HMGA2: variants seen among roughly 807,000 people sequenced by gnomAD.
HMGA2 encodes the protein high mobility group AT-hook 2, also known as high mobility group protein HMGI-C.
Under a neutral mutation model 19.1 loss-of-function variants are expected in HMGA2, and 8 were observed. The observed-to-expected ratio is 0.42, with a 90% CI of 0.25 to 0.76. The LOEUF is 0.76. HMGA2 is among the 30% of genes least tolerant of loss of function. HMGA2 has a pLI of 0.28. For missense variants in HMGA2, 109 were observed against 136.3 expected (o/e 0.80, Z 1.00); for synonymous variants, 60 against 48.8 (o/e 1.23, Z -0.96).
At chr12:65,923,729 G>A (rs1012331417) in intron 3 of HMGA2, among the ~76,000 whole-genome samples, 2 of 152,138 alleles carry the variant, frequency 1.3e-5, no homozygotes, top group Non-Finnish European at 2.9e-5. Context: ...AGTCATTCTC[G>A]CCGGGTGCGG....
intron 3 of HMGA2, among the ~76,000 whole-genome samples, chr12:65,847,415 T>G (rs1187619828): frequency 6.6e-6 from 1 of 152,226 alleles, no homozygotes; most frequent in Non-Finnish European, 1.5e-5. Flanking sequence ...TCAAATAATT[T>G]TTAAATCACC....
At chr12:65,908,830 A>T (rs1358428722) in intron 3 of HMGA2, among the ~76,000 whole-genome samples, 1 of 152,234 alleles carries the variant, frequency 6.6e-6, no homozygotes, top group Non-Finnish European at 1.5e-5. Flanking sequence ...AATGTGGTCA[A>T]CTACAGCAAA....
In HMGA2 at chr12:65,921,396, C is replaced by T. The variant is rs137897452; in HGVS notation, c.250-29987C>T. Among the ~76,000 whole-genome samples, 1,019 of 152,158 alleles carry T rather than the reference C, an allele frequency of 6.7e-3. 3 individuals carry two copies. Among genetic ancestry groups the T allele is most frequent in the Middle Eastern group, 0.014 (4 of 294 alleles). Reference sequence around the variant, plus strand: ...TGCCTCAGCCTGGGACTACAGGTGCCCGTCACCATGCCTGGCTAATTTTTT... The same window carrying T: ...TGCCTCAGCCTGGGACTACAGGTGCTCGTCACCATGCCTGGCTAATTTTTT... On this transcript the variant is annotated intron_variant, in intron 3 of 4. Transcript: ENST00000403681.
intron 3 of HMGA2, chr12:65,859,548 C>A (rs1871936448): frequency 6.6e-6 from 1 of 152,238 alleles, no homozygotes; most frequent in African/African-American, 2.4e-5. Flanking sequence ...ACAGGACGAA[C>A]ACTTTCTCAC....
At chr12:65,889,250 C>T (rs1001656880) in intron 3 of HMGA2, among the ~76,000 whole-genome samples, 2 of 152,052 alleles carry the variant, frequency 1.3e-5, no homozygotes, top group Admixed American at 6.5e-5. Flanking sequence ...GTTTGTTCTC[C>T]TCAAGTCCCA....
chr12:65,853,108 G>T (rs74980477), intron 3 of HMGA2, among the ~76,000 whole-genome samples: 35 of 152,274 alleles, frequency 2.3e-4, no homozygotes, highest in African/African-American at 7.9e-4. Context: ...GCCGACTGAC[G>T]TGTGGGGAAC....
At chr12:65,924,855 C>G (rs992933812) in intron 3 of HMGA2, among the ~76,000 whole-genome samples, 5 of 152,184 alleles carry the variant, frequency 3.3e-5, no homozygotes, top group African/African-American at 1.2e-4. Context: ...CCTTCCAACT[C>G]TCTCCCAGCC....
intron 3 of HMGA2, among the ~76,000 whole-genome samples, chr12:65,865,878 G>A (rs1043294929): frequency 9.3e-5 from 14 of 151,128 alleles, no homozygotes; most frequent in Admixed American, 8.6e-4. Context: ...TCCTGACCTC[G>A]TGATCTGCCC....
At chr12:65,857,612 T>TA (rs1015214638) in intron 3 of HMGA2, 2 of 152,216 alleles carry the variant, frequency 1.3e-5, no homozygotes, top group African/African-American at 4.8e-5. Context: ...TTTGTGTGTA[T>TA]AAACAGTCTT....
At chr12:65,875,725 A>T (rs1390595452) in intron 3 of HMGA2, among the ~76,000 whole-genome samples, 1 of 147,638 alleles carries the variant, frequency 6.8e-6, no homozygotes, top group Non-Finnish European at 1.5e-5. Context: ...GGCTGGGATT[A>T]TAGGCGTAAG....
At chr12:65,947,306 A>G (rs1010805065) in intron 3 of HMGA2, among the ~76,000 whole-genome samples, 2 of 152,082 alleles carry the variant, frequency 1.3e-5, no homozygotes, top group African/African-American at 4.8e-5. Flanking sequence ...ATAGAGATGA[A>G]GTCTTGCTAG....
intron 2 of HMGA2, among the ~76,000 whole-genome samples, chr12:65,838,294 G>A (rs532674453): frequency 2.0e-5 from 3 of 151,724 alleles, no homozygotes; most frequent in Admixed American, 1.3e-4. Context: ...AGGGCGAGGG[G>A]TTGCATAGAT....
At chr12:65,915,177 T>C in intron 3 of HMGA2, 1 of 1,611,080 alleles carries the variant, frequency 6.2e-7, no homozygotes, top group Non-Finnish European at 8.5e-7. Flanking sequence ...TATTTTCACC[T>C]TGAGGAATTG....
intron 3 of HMGA2, among the ~76,000 whole-genome samples, chr12:65,904,988 G>A (rs768832904): frequency 1.6e-4 from 25 of 151,920 alleles, no homozygotes; most frequent in Non-Finnish European, 3.1e-4. Context: ...GTTGCAGTGA[G>A]TCAAGATCGC....
intron 3 of HMGA2, among the ~76,000 whole-genome samples, chr12:65,946,655 A>G (rs1876276255): frequency 6.6e-6 from 1 of 152,330 alleles, no homozygotes; most frequent in Admixed American, 6.5e-5. Context: ...TCTGAGTATC[A>G]GCTTTAAAAT....
chr12:65,830,120 C>A (rs1222238370), intron 2 of HMGA2, among the ~76,000 whole-genome samples: 3 of 151,850 alleles, frequency 2.0e-5, no homozygotes, highest in African/African-American at 7.2e-5. Context: ...AATACATTTG[C>A]CCATAACATG....
At chr12:65,842,299 G>T in intron 3 of HMGA2, 1 of 596,470 alleles carries the variant, frequency 1.7e-6, no homozygotes, top group Non-Finnish European at 3.1e-6. Context: ...GATAATGCAT[G>T]CAAAGGGCTT....
chr12:65,896,248 C>A (rs1273255437), intron 3 of HMGA2, among the ~76,000 whole-genome samples: 1 of 152,194 alleles, frequency 6.6e-6, no homozygotes, highest in African/African-American at 2.4e-5. Context: ...AGAATACCGC[C>A]CAACTGCCAA....
chr12:65,936,284 AGC>A (rs1021987385), intron 3 of HMGA2, among the ~76,000 whole-genome samples: 5 of 151,306 alleles, frequency 3.3e-5, no homozygotes, highest in Non-Finnish European at 5.9e-5. Flanking sequence ...TACTTTAAAT[AGC>A]CAGGCTAGAG....
Sources: allele counts gnomAD v4.1 joint callset (sites outside exome capture counted in the v4.1 genomes callset), GRCh38; gene constraint gnomAD v4.1.1; transcripts MANE v1.5; gene names NCBI Gene and HGNC (gene_info 2026-07-23, HGNC 2026-07-21).